Variants in PDE1C observed in about 807,000 individuals in gnomAD.
PDE1C encodes phosphodiesterase 1C.
A neutral mutation model predicts 93.1 loss-of-function variants in PDE1C; 62 were observed. That is an observed-to-expected ratio of 0.67 (90% CI 0.54 to 0.82). PDE1C has a LOEUF of 0.82. PDE1C is among the 40% of genes least tolerant of loss of function. The pLI is 0.00. For missense variants in PDE1C, 742 were observed against 884.6 expected (o/e 0.84, Z 2.04); for synonymous variants, 325 against 310.1 (o/e 1.05, Z -0.50).
chr7:31,673,375 T>C, the PDE1C span, among the ~76,000 whole-genome samples: 49 of 151,988 alleles, frequency 3.2e-4, no homozygotes, highest in South Asian at 4.1e-4. Flanking sequence ...ATTCTTTTTA[T>C]ATGTGGTCTG....
chr7:32,085,125 AAGAG>A, intron 3 of PDE1C, among the ~76,000 whole-genome samples: 1 of 151,348 alleles, frequency 6.6e-6, no homozygotes, highest in East Asian at 1.9e-4. Context: ...TAAAGAAAAA[AAGAG>A]AGAAGAATCA....
chr7:32,213,464 C>T (rs889787868), intron 1 of PDE1C, among the ~76,000 whole-genome samples: 15 of 152,288 alleles, frequency 9.8e-5, no homozygotes, highest in Middle Eastern at 3.4e-3. Flanking sequence ...AAGACTGAAA[C>T]TAAAATTCAA....
chr7:32,357,866 T>A (rs1448809286), intron 1 of PDE1C, among the ~76,000 whole-genome samples: 2 of 152,192 alleles, frequency 1.3e-5, no homozygotes. Flanking sequence ...GTGGGGAGGA[T>A]CTGCATCTTT....
At chr7:31,643,113 G>A in the PDE1C span, 114 of 1,613,838 alleles carry the variant, frequency 7.1e-5, no homozygotes, top group Non-Finnish European at 9.3e-5. Flanking sequence ...ACAGTTTTGT[G>A]AGGCCTGAGG....
chr7:32,260,059 G>A (rs1363860394), intron 1 of PDE1C, among the ~76,000 whole-genome samples: 1 of 152,184 alleles, frequency 6.6e-6, no homozygotes, highest in Non-Finnish European at 1.5e-5. Context: ...AGTCTCTAGA[G>A]GGCTGCTACG....
At chr7:31,655,771 C>A in the PDE1C span, 1 of 985,662 alleles carries the variant, frequency 1.0e-6, no homozygotes. Flanking sequence ...AAGCTTTTTA[C>A]TCTTTACCCA....
At chr7:32,396,951 G>C (rs919294907) in intron 1 of PDE1C, among the ~76,000 whole-genome samples, 5 of 152,116 alleles carry the variant, frequency 3.3e-5, no homozygotes, top group Non-Finnish European at 7.4e-5. Context: ...TGATTTAGAT[G>C]CATATCTCAC....
intron 1 of PDE1C, among the ~76,000 whole-genome samples, chr7:32,416,324 G>A (rs556378517): frequency 9.9e-5 from 15 of 152,262 alleles, no homozygotes; most frequent in African/African-American, 1.7e-4. Flanking sequence ...AGGATGAGAC[G>A]GGACTCTGGG....
At chr7:32,414,596 G>T (rs942725757) in intron 1 of PDE1C, among the ~76,000 whole-genome samples, 1 of 152,194 alleles carries the variant, frequency 6.6e-6, no homozygotes, top group Non-Finnish European at 1.5e-5. Flanking sequence ...CATATTAAAA[G>T]AAGTTGGCAT....
chr7:31,761,392 AC>A (rs1479674027), intron 17 of PDE1C, among the ~76,000 whole-genome samples: 1 of 152,202 alleles, frequency 6.6e-6, no homozygotes, highest in Non-Finnish European at 1.5e-5. Flanking sequence ...TTCCCTGTAA[AC>A]AAAAGTAAGT....
Position 31,752,823 on chromosome 7 carries a change from GTC to G in PDE1C, c.*559_*560del, listed in dbSNP as rs1451272361. ...TGTCCATGAATACAACAATTCATCC[GTC>G]TTCTCTTCCTTTTAATATTTTTACA... On this transcript the variant is annotated 3_prime_UTR_variant, in exon 18 of 18. Coordinates refer to ENST00000396191, the MANE Select transcript of PDE1C (RefSeq NM_001191057.4). 6.6e-6 allele frequency: 1 copy of G among 152,088 alleles called. No homozygotes were observed. The highest frequency in any genetic ancestry group is 2.4e-5 in the African/African-American group (1 of 41,400). The allele number at this position is 152,088 out of a possible 1,614,324, so 9.4% of individuals were successfully genotyped here. A position where few individuals can be genotyped will look rare whatever the true frequency, so the allele number is the denominator to read the frequency against.
chr7:31,838,051 C>A, intron 9 of PDE1C, 80 bp from the exon 10 acceptor site: 1 of 883,480 alleles, frequency 1.1e-6, no homozygotes, highest in Non-Finnish European at 1.9e-6. Flanking sequence ...TTTGCCACTG[C>A]TAATGAAAAT....
At chr7:31,936,519 C>T (rs117739564) in intron 2 of PDE1C, among the ~76,000 whole-genome samples, 5 of 152,086 alleles carry the variant, frequency 3.3e-5, no homozygotes, top group East Asian at 1.9e-4. Flanking sequence ...AGCAAGCATG[C>T]GAGCAGGACG....
the PDE1C span, among the ~76,000 whole-genome samples, chr7:31,623,808 T>G: frequency 5.3e-4 from 80 of 152,034 alleles, no homozygotes; most frequent in Non-Finnish European, 1.1e-3. Context: ...GGGTATTCAA[T>G]TAGGAAAAGA....
intron 11 of PDE1C, among the ~76,000 whole-genome samples, chr7:31,833,643 T>G (rs983639016): frequency 6.6e-6 from 1 of 152,206 alleles, no homozygotes; most frequent in South Asian, 2.1e-4. Flanking sequence ...ATTTTACCCC[T>G]GCCCTAGAGA....
At chr7:31,831,602 C>T (rs1478890674) in intron 11 of PDE1C, among the ~76,000 whole-genome samples, 1 of 151,938 alleles carries the variant, frequency 6.6e-6, no homozygotes, top group Non-Finnish European at 1.5e-5. Flanking sequence ...CTCTGATTGC[C>T]CTGTGGTACA....
At chr7:32,326,574 G>C (rs994973796) in intron 1 of PDE1C, among the ~76,000 whole-genome samples, 1 of 152,096 alleles carries the variant, frequency 6.6e-6, no homozygotes, top group Non-Finnish European at 1.5e-5. Flanking sequence ...TCAAGTAAGA[G>C]AAGGACTAAT....
intron 2 of PDE1C, among the ~76,000 whole-genome samples, chr7:32,013,225 G>T (rs1787402272): frequency 6.6e-6 from 1 of 152,184 alleles, no homozygotes; most frequent in African/African-American, 2.4e-5. Flanking sequence ...TCAAATATGA[G>T]TCATGATCTC....
the PDE1C span, among the ~76,000 whole-genome samples, chr7:31,722,998 G>A: frequency 6.6e-6 from 1 of 152,078 alleles, no homozygotes; most frequent in African/African-American, 2.4e-5. Flanking sequence ...TTCTCCACCT[G>A]ATCTTTTACT....
Sources: gnomAD v4.1 joint callset for allele counts (sites outside exome capture counted in the v4.1 genomes callset) on GRCh38, gnomAD v4.1.1 for gene constraint, MANE v1.5 for transcripts, NCBI Gene and HGNC (gene_info 2026-07-23, HGNC 2026-07-21) for gene names.